DPH6: variants seen among roughly 807,000 people sequenced by gnomAD.
DPH6 encodes the protein diphthine--ammonia ligase.
DPH6 carries 33 observed loss-of-function variants against 38.2 expected under a neutral mutation model. That is an observed-to-expected ratio of 0.86 (90% confidence interval 0.65 to 1.15). DPH6 has a LOEUF of 1.15. Among genes scored for constraint, DPH6 ranks in the 50% most tolerant of loss-of-function variants. The probability of loss-of-function intolerance (pLI) is 0.00; values close to 1 mark genes in which losing one functional copy is unlikely to be tolerated. For missense variants in DPH6, 325 were observed against 320.0 expected, an observed-to-expected ratio of 1.02 and a Z score of -0.12; for synonymous variants, 108 against 103.0, an observed-to-expected ratio of 1.05 and a Z score of -0.30.
At chr15:35,400,202 C>T (rs968316966) in intron 6 of DPH6, among the ~76,000 whole-genome samples, 4 of 152,062 alleles carry the variant, frequency 2.6e-5, no homozygotes, top group Admixed American at 1.3e-4. Context: ...TGAAACAAGA[C>T]AATTATTCAC....
chr15:35,203,989 G>C, the DPH6 span, among the ~76,000 whole-genome samples: 5,596 of 151,206 alleles, frequency 0.037, 114 homozygotes, highest in Middle Eastern at 0.048. Flanking sequence ...ACAGTTCCTT[G>C]ACAAGGTATA....
chr15:35,502,364 T>C (rs1484541520), intron 3 of DPH6, among the ~76,000 whole-genome samples: 1 of 152,006 alleles, frequency 6.6e-6, no homozygotes, highest in Non-Finnish European at 1.5e-5. Flanking sequence ...CAAAGTGAGA[T>C]AAAACAAAAC....
At chr15:35,320,881 G>T (rs2052234946) in intron 3 of DPH6, among the ~76,000 whole-genome samples, 1 of 152,178 alleles carries the variant, frequency 6.6e-6, no homozygotes, top group African/African-American at 2.4e-5. Context: ...AAAATATTCA[G>T]TCAGTTTTCT....
rs189627058 is a variant in DPH6, at chr15:35,520,999, A to T, written c.312+17275T>A. On this transcript the variant is annotated intron_variant, in intron 3 of 8. Transcript: ENST00000256538. The stretch of plus-strand genomic sequence containing the variant: ...TTACAAATTCTCCAGTAATATGTCA[A>T]CCTACTCATAAATCAAAAGGAGGGG... 3.2e-4 allele frequency: 319 copies of T among 985,204 alleles called. 2 individuals carry two copies. In the Admixed American group the frequency reaches 0.018, roughly 55 times the overall value. The allele number at this position is 985,204 out of a possible 1,614,324, so 61.0% of individuals were successfully genotyped here.
chr15:35,431,649 C>T (rs545348208), intron 5 of DPH6, among the ~76,000 whole-genome samples: 121 of 151,956 alleles, frequency 8.0e-4, no homozygotes, highest in Non-Finnish European at 1.4e-3. Context: ...AGAAAGGAAT[C>T]CATAAGAAAG....
chr15:35,291,493 A>G (rs2051980113), intron 3 of DPH6, among the ~76,000 whole-genome samples: 1 of 152,282 alleles, frequency 6.6e-6, no homozygotes, highest in East Asian at 1.9e-4. Context: ...ACTCCACAGC[A>G]TCACACTCTT....
chr15:35,330,171 A>T (rs1055955071), downstream of DPH6, among the ~76,000 whole-genome samples: 3 of 152,138 alleles, frequency 2.0e-5, no homozygotes, highest in Admixed American at 2.0e-4. Context: ...TTTCTACAAA[A>T]TGCTAAAGCT....
chr15:35,429,237 C>T (rs538915677), intron 5 of DPH6, among the ~76,000 whole-genome samples: 2 of 152,280 alleles, frequency 1.3e-5, no homozygotes, highest in East Asian at 3.9e-4. Context: ...AGCATACTGT[C>T]ATAAAACCTC....
intron 3 of DPH6, chr15:35,237,563 G>A (rs1003152373): frequency 1.3e-5 from 21 of 1,556,694 alleles, no homozygotes; most frequent in African/African-American, 2.7e-5. Flanking sequence ...CTCGGGGGGC[G>A]TGGAAGCATT....
At chr15:35,352,400 A>T (rs894302041) in intron 3 of DPH6, among the ~76,000 whole-genome samples, 1 of 152,168 alleles carries the variant, frequency 6.6e-6, no homozygotes, top group African/African-American at 2.4e-5. Flanking sequence ...CTTTAACATT[A>T]GGTATATCTC....
chr15:35,429,378 T>C (rs1470618130), intron 5 of DPH6, among the ~76,000 whole-genome samples: 1 of 152,182 alleles, frequency 6.6e-6, no homozygotes, highest in African/African-American at 2.4e-5. Flanking sequence ...TCATTTTTAG[T>C]CCCTAATTCC....
intron 3 of DPH6, among the ~76,000 whole-genome samples, chr15:35,269,660 G>A (rs1176460417): frequency 1.3e-5 from 2 of 150,918 alleles, no homozygotes; most frequent in Non-Finnish European, 3.0e-5. Context: ...GGATGGTCTC[G>A]ATCTCCTGAC....
chr15:35,226,442 A>T (rs1307272563), intron 3 of DPH6, among the ~76,000 whole-genome samples: 1 of 152,182 alleles, frequency 6.6e-6, no homozygotes, highest in Admixed American at 6.5e-5. Context: ...TTTAAAAAAA[A>T]TAGGTAAAGA....
the DPH6 span, among the ~76,000 whole-genome samples, chr15:35,192,667 T>C: frequency 6.6e-6 from 1 of 152,216 alleles, no homozygotes; most frequent in South Asian, 2.1e-4. Flanking sequence ...CTGATCTTTA[T>C]AGGATTCTTT....
At chr15:35,500,264 T>C (rs1480062595) in intron 3 of DPH6, among the ~76,000 whole-genome samples, 1 of 152,142 alleles carries the variant, frequency 6.6e-6, no homozygotes, top group Non-Finnish European at 1.5e-5. Flanking sequence ...GTTCTAAGTC[T>C]TGAACCTTAT....
chr15:35,283,194 T>C (rs1399888850), intron 3 of DPH6, among the ~76,000 whole-genome samples: 1 of 146,236 alleles, frequency 6.8e-6, no homozygotes, highest in Non-Finnish European at 1.5e-5. Context: ...TTTTCTTCTC[T>C]TCTTCTTCTT....
intron 7 of DPH6, among the ~76,000 whole-genome samples, chr15:35,380,180 C>G (rs1030749835): frequency 1.3e-5 from 2 of 152,158 alleles, no homozygotes; most frequent in Non-Finnish European, 2.9e-5. Context: ...GGAAGAACTC[C>G]TACAGAGCAG....
chr15:35,304,620 A>G (rs944099545), intron 3 of DPH6, among the ~76,000 whole-genome samples: 1 of 152,132 alleles, frequency 6.6e-6, no homozygotes, highest in Non-Finnish European at 1.5e-5. Flanking sequence ...GGGAAGGATT[A>G]CCACAGTTAA....
At chr15:35,541,941 CT>C (rs1199588638) in intron 2 of DPH6, among the ~76,000 whole-genome samples, 7 of 152,028 alleles carry the variant, frequency 4.6e-5, no homozygotes, top group Non-Finnish European at 8.8e-5. Flanking sequence ...ACATTTCTGG[CT>C]TACATCTAAA....
Sources: allele counts gnomAD v4.1 joint callset (sites outside exome capture counted in the v4.1 genomes callset), GRCh38; gene constraint gnomAD v4.1.1; transcripts MANE v1.5; gene names NCBI Gene and HGNC (gene_info 2026-07-23, HGNC 2026-07-21).